Variants in SLC39A10 observed in about 807,000 individuals in gnomAD.
SLC39A10 encodes zinc transporter ZIP10.
SLC39A10 carries 13 observed loss-of-function variants against 65.1 expected under a neutral mutation model. The observed-to-expected ratio is 0.20, with a 90% confidence interval of 0.13 to 0.32. The LOEUF (loss-of-function observed/expected upper bound fraction) is 0.32. Ranked by LOEUF, SLC39A10 falls within the 10% of genes least tolerant of loss-of-function variation. The pLI, the probability that SLC39A10 is intolerant of heterozygous loss-of-function variation, is 1.00. For missense variants in SLC39A10, 831 were observed against 1,018.4 expected (o/e 0.82, Z 2.50); for synonymous variants, 321 against 342.2 (o/e 0.94, Z 0.68).
chr2:195,614,033 C>G (rs996747229), intron 2 of SLC39A10, among the ~76,000 whole-genome samples: 1 of 152,134 alleles, frequency 6.6e-6, no homozygotes, highest in Non-Finnish European at 1.5e-5. Context: ...TGTTGACAGT[C>G]TCTAGTCTCT....
chr2:195,665,409 T>C (rs1466733463), intron 1 of SLC39A10, among the ~76,000 whole-genome samples: 6 of 152,186 alleles, frequency 3.9e-5, no homozygotes, highest in Admixed American at 1.3e-4. Context: ...AATTTGAGAC[T>C]TCAGTGAGCT....
At chr2:195,731,138 A>G (rs1051595296) in intron 9 of SLC39A10, among the ~76,000 whole-genome samples, 1 of 152,122 alleles carries the variant, frequency 6.6e-6, no homozygotes, top group Non-Finnish European at 1.5e-5. Context: ...TTCAGAGTAA[A>G]AGTCCTAAAG....
chr2:195,661,586 C>T (rs964854107), intron 1 of SLC39A10, among the ~76,000 whole-genome samples: 8 of 152,150 alleles, frequency 5.3e-5, no homozygotes, highest in African/African-American at 1.9e-4. Flanking sequence ...AGACCACATA[C>T]AATGTTCAGA....
chr2:195,652,693 G>C (rs568411783), upstream of SLC39A10, among the ~76,000 whole-genome samples: 6 of 152,042 alleles, frequency 3.9e-5, no homozygotes, highest in East Asian at 1.2e-3. Context: ...AAAGACGCCA[G>C]ACTCAGTTAA....
chr2:195,735,598 A>G lies in SLC39A10; in HGVS notation c.*557A>G, dbSNP rs1692565658. 1 of 152,610 alleles carries G rather than the reference A, an allele frequency of 6.6e-6. No individual in the cohort carries two copies. The highest frequency in any genetic ancestry group is 1.5e-5 in the Non-Finnish European group (1 of 68,044). 9.5% of individuals were successfully genotyped at this position (152,610 alleles called of 1,614,324 possible). On this transcript the variant is annotated 3_prime_UTR_variant, in exon 10 of 10. Transcript: ENST00000359634. Reference sequence around the variant, plus strand: ...ATTAGAGTATGAATTTAGCATTGGGAAAAGCCCTTATTCTTGAATCTAGAG... The same window carrying G: ...ATTAGAGTATGAATTTAGCATTGGGGAAAGCCCTTATTCTTGAATCTAGAG...
chr2:195,642,009 T>C (rs1688820343), intron 2 of SLC39A10, among the ~76,000 whole-genome samples: 1 of 152,192 alleles, frequency 6.6e-6, no homozygotes, highest in Admixed American at 6.5e-5. Flanking sequence ...ATAGTTCTAG[T>C]GTGAAGTCAC....
At chr2:195,718,139 CAT>C (rs1691887881) in intron 7 of SLC39A10, 111 bp from the exon 8 acceptor site, 2 of 742,916 alleles carry the variant, frequency 2.7e-6, no homozygotes, top group Non-Finnish European at 4.5e-6. Flanking sequence ...GTGAGTCACT[CAT>C]ATGTTAAGAA....
At chr2:195,722,924 C>G (rs1159507944) in intron 8 of SLC39A10, among the ~76,000 whole-genome samples, 1 of 152,164 alleles carries the variant, frequency 6.6e-6, no homozygotes, top group Non-Finnish European at 1.5e-5. Context: ...TGTTCCCTTT[C>G]TGAACAGATT....
At chr2:195,657,400 C>T (rs1689188304) in intron 1 of SLC39A10, 119 bp downstream of exon 1, 3 of 985,572 alleles carry the variant, frequency 3.0e-6, no homozygotes, top group Non-Finnish European at 3.6e-6. Context: ...ACCGGGGAGT[C>T]GGGGCTGGTT....
At chr2:195,719,092 C>T (rs1284166436) in intron 8 of SLC39A10, among the ~76,000 whole-genome samples, 9 of 151,314 alleles carry the variant, frequency 5.9e-5, no homozygotes, top group Non-Finnish European at 8.8e-5. Flanking sequence ...TTTATTGATA[C>T]ACTTTCAACT....
intron 2 of SLC39A10, among the ~76,000 whole-genome samples, chr2:195,636,258 T>C (rs1270886498): frequency 6.6e-6 from 1 of 152,230 alleles, no homozygotes; most frequent in Non-Finnish European, 1.5e-5. Context: ...TGTCTTCTAT[T>C]AGGCCAGGCT....
intron 3 of SLC39A10, among the ~76,000 whole-genome samples, chr2:195,702,362 T>C (rs1285232156): frequency 2.6e-5 from 4 of 152,180 alleles, no homozygotes; most frequent in Non-Finnish European, 1.5e-5. Context: ...CAGCTTCCTT[T>C]CAAAGGACTA....
At chr2:195,676,089 G>A (rs1478327962) in intron 1 of SLC39A10, among the ~76,000 whole-genome samples, 5 of 151,876 alleles carry the variant, frequency 3.3e-5, no homozygotes, top group African/African-American at 4.8e-5. Context: ...TACTATATGT[G>A]CTTTATATAC....
chr2:195,653,610 A>C (rs1407520925), upstream of SLC39A10, among the ~76,000 whole-genome samples: 1 of 152,050 alleles, frequency 6.6e-6, no homozygotes, highest in African/African-American at 2.4e-5. Context: ...CTGAATTTTA[A>C]AGTGAGGAGA....
intron 2 of SLC39A10, among the ~76,000 whole-genome samples, chr2:195,632,991 C>T (rs1688620720): frequency 6.6e-6 from 1 of 152,196 alleles, no homozygotes; most frequent in Non-Finnish European, 1.5e-5. Context: ...GAACTTGGAT[C>T]TTGCAAGGCA....
At chr2:195,714,340 A>G (rs1221707015) in intron 6 of SLC39A10, among the ~76,000 whole-genome samples, 1 of 152,214 alleles carries the variant, frequency 6.6e-6, no homozygotes, top group Non-Finnish European at 1.5e-5. Context: ...TTCAAAATCT[A>G]TTCTTCATAA....
Position 195,688,377 on chromosome 2 carries a change from T to C in SLC39A10, c.1216+4471T>C, listed in dbSNP as rs534223376. On this transcript the variant is annotated intron_variant, in intron 3 of 9. Transcript: ENST00000359634. ...TATGTAAGCTTAAATTTAAATGTTA[T>C]AAATTCTACAAATAAAGTATTTAAA... Among the ~76,000 whole-genome samples the C allele has an allele frequency of 6.6e-5, 10 of 152,288 alleles. No homozygotes were observed. In the South Asian group the frequency reaches 2.1e-3, roughly 32 times the overall value.
intron 2 of SLC39A10, among the ~76,000 whole-genome samples, chr2:195,616,851 C>CCTCAGG (rs1688223274): frequency 1.3e-5 from 2 of 152,190 alleles, no homozygotes; most frequent in Non-Finnish European, 2.9e-5. Flanking sequence ...GATCCGCCCA[C>CCTCAGG]CTCAGCCTCC....
chr2:195,704,415 G>A (rs929959391), intron 3 of SLC39A10, among the ~76,000 whole-genome samples: 3 of 152,128 alleles, frequency 2.0e-5, no homozygotes, highest in African/African-American at 4.8e-5. Context: ...GTTATTGTAA[G>A]TTCCCTGTCC....
Sources: gnomAD v4.1 joint callset for allele counts (sites outside exome capture counted in the v4.1 genomes callset) on GRCh38, gnomAD v4.1.1 for gene constraint, MANE v1.5 for transcripts, NCBI Gene and HGNC (gene_info 2026-07-23, HGNC 2026-07-21) for gene names.